The following SERPINB10 variants were observed in gnomAD, a reference collection of about 807,000 sequenced individuals.
SERPINB10 encodes the protein serpin family B member 10.
Under a neutral mutation model 39.1 loss-of-function variants are expected in SERPINB10, and 35 were observed. That is an observed-to-expected ratio of 0.90 (90% confidence interval 0.68 to 1.19). SERPINB10 has a LOEUF of 1.19. Among genes scored for constraint, SERPINB10 ranks in the 50% most tolerant of loss-of-function variants. SERPINB10 has a pLI of 0.00. For synonymous variants in SERPINB10, 190 were observed against 158.1 expected, an observed-to-expected ratio of 1.20 and a Z score of -1.52; for missense variants, 546 against 460.5, an observed-to-expected ratio of 1.19 and a Z score of -1.70.
Position 63,930,963 on chromosome 18 carries a change from T to C in SERPINB10, c.633+776T>C, listed in dbSNP as rs563241299. Among the ~76,000 whole-genome samples the C allele has an allele frequency of 1.1e-4, 17 of 152,290 alleles. 1 individual carries two copies. Among genetic ancestry groups the C allele is most frequent in the African/African-American group, 3.8e-4 (16 of 41,562 alleles). ...GCTGTGGAACTATGGCTGTAATGAA[T>C]GTGTGCAATAGGTATTTCTCAATCA... is the stretch of plus-strand genomic sequence containing the variant. On this transcript the variant is annotated intron_variant, in intron 6 of 7. Transcript: ENST00000238508.
chr18:63,912,546 TG>T (rs1404291409), intron 1 of SERPINB10, among the ~76,000 whole-genome samples: 1 of 152,052 alleles, frequency 6.6e-6, no homozygotes, highest in Non-Finnish European at 1.5e-5. Flanking sequence ...GATGATCAGA[TG>T]TTTTTTGTTT....
intron 1 of SERPINB10, among the ~76,000 whole-genome samples, chr18:63,914,893 C>T (rs1054802614): frequency 6.6e-6 from 1 of 152,000 alleles, no homozygotes; most frequent in Admixed American, 6.6e-5. Context: ...TTCCAGAAGA[C>T]TAGTTTCAGA....
intron 1 of SERPINB10, among the ~76,000 whole-genome samples, chr18:63,911,403 A>G (rs1258568357): frequency 6.6e-6 from 1 of 151,072 alleles, no homozygotes; most frequent in East Asian, 1.9e-4. Flanking sequence ...TAGGATTCTG[A>G]TAGTCTGAGA....
At chr18:63,917,601 C>A in intron 3 of SERPINB10, 80 bp downstream of exon 3, 2 of 755,664 alleles carry the variant, frequency 2.6e-6, no homozygotes, top group Non-Finnish European at 4.1e-6. Context: ...ATAACTGAAG[C>A]AACTTTTAGC....
rs1291761430 is a variant in SERPINB10, at chr18:63,919,895, A to G, written c.480A>G (p.Arg160=). ...IRKDINSWVE[R]QTEGKIQNLL... ...AGGACATCAACTCTTGGGTTGAAAG[A>G]CAGACCGAGGGTAAGCTTTCACCAA... Residue 160 remains arginine (R), a synonymous_variant, in exon 5 of 8, where the codon AGA becomes AGG. Transcript: ENST00000238508. 1 of 1,603,546 alleles carries G rather than the reference A, an allele frequency of 6.2e-7. No homozygotes were observed. The highest frequency in any genetic ancestry group is 1.7e-5 in the Admixed American group (1 of 58,992).
chr18:63,927,009 T>G (rs1291540444), intron 5 of SERPINB10, among the ~76,000 whole-genome samples: 3 of 151,990 alleles, frequency 2.0e-5, no homozygotes, highest in Non-Finnish European at 2.9e-5. Flanking sequence ...TCTTATTAGT[T>G]TTCATTGTTT....
In SERPINB10 at chr18:63,921,232, T is replaced by A. The variant is rs545024577; in HGVS notation, c.490+1327T>A. Among the ~76,000 whole-genome samples, 7 of 152,094 alleles carry A rather than the reference T, an allele frequency of 4.6e-5. No homozygotes were observed. In the South Asian group the frequency reaches 1.4e-3, roughly 32 times the overall value. ...TTAATGATGATGCCTTTGCTTTGTG[T>A]CTAAGCACATGGAATGTTTTGCTGT... is the stretch of plus-strand genomic sequence containing the variant. On this transcript the variant is annotated intron_variant, in intron 5 of 7. Coordinates refer to ENST00000238508, the MANE Select transcript of SERPINB10 (RefSeq NM_005024.3).
chr18:63,928,039 C>G (rs1168832510), intron 5 of SERPINB10, among the ~76,000 whole-genome samples: 3 of 151,906 alleles, frequency 2.0e-5, no homozygotes, highest in Non-Finnish European at 4.4e-5. Context: ...GAGGTAATCA[C>G]TTGAGAGTTG....
intron 6 of SERPINB10, among the ~76,000 whole-genome samples, 187 bp downstream of exon 6, chr18:63,930,374 C>A (rs1464360741): frequency 6.6e-6 from 1 of 152,056 alleles, no homozygotes; most frequent in Non-Finnish European, 1.5e-5. Flanking sequence ...CCTTGTTTTT[C>A]TCTGAATATA....
At chr18:63,917,823 A>G in intron 3 of SERPINB10, 142 bp from the exon 4 acceptor site, 1 of 740,434 alleles carries the variant, frequency 1.4e-6, no homozygotes, top group Non-Finnish European at 2.2e-6. Context: ...CACTAACACT[A>G]AAGAAAACAT....
intron 3 of SERPINB10, among the ~76,000 whole-genome samples, 158 bp from the exon 4 acceptor site, chr18:63,917,807 C>T (rs147206786): frequency 2.5e-3 from 380 of 152,098 alleles, no homozygotes; most frequent in African/African-American, 8.8e-3. Flanking sequence ...ACATTTCATT[C>T]TTTTGCACTA....
Position 63,918,043 on chromosome 18 carries a change from G to A in SERPINB10, c.313G>A (p.Asp105Asn). 6.2e-7 allele frequency: 1 copy of A among 1,612,388 alleles called. No individual in the cohort carries two copies. Among genetic ancestry groups the A allele is most frequent in the Non-Finnish European group, 8.5e-7 (1 of 1,179,024 alleles). The change falls in exon 4 of 8, where the codon GAC (aspartate) becomes AAC (asparagine). Residue 105 changes from aspartate (D) to asparagine (N), a missense_variant. By Grantham distance (23) the Asp-to-Asn change is conservative. Coordinates refer to ENST00000238508, the MANE Select transcript of SERPINB10 (RefSeq NM_005024.3). ...CTCAGAAATCCTCAAGCCCAACGATGACTACTTACTTAAAACAGCCAATGC... is the reference window on the plus strand; with the variant it reads ...CTCAGAAATCCTCAAGCCCAACGATAACTACTTACTTAAAACAGCCAATGC... ...LISEILKPND[D>N]YLLKTANAIY...
chr18:63,930,610 C>T (rs192453517), intron 6 of SERPINB10, among the ~76,000 whole-genome samples: 44 of 152,212 alleles, frequency 2.9e-4, no homozygotes, highest in Non-Finnish European at 6.0e-4. Flanking sequence ...GCAATAAAAA[C>T]GGAGACTAAA....
Position 63,919,888 on chromosome 18 carries a change from T to C in SERPINB10, c.473T>C (p.Val158Ala), listed in dbSNP as rs374892728. ...ATCAGAAAGGACATCAACTCTTGGG[T>C]TGAAAGACAGACCGAGGGTAAGCTT... ...DQIRKDINSW[V>A]ERQTEGKIQN... Residue 158 changes from valine (V) to alanine (A), a missense_variant, in exon 5 of 8, where the codon GTT becomes GCT. Coordinates refer to ENST00000238508, the MANE Select transcript of SERPINB10 (RefSeq NM_005024.3). 1.2e-5 allele frequency: 20 copies of C among 1,608,132 alleles called. No homozygotes were observed. The highest frequency in any genetic ancestry group is 1.6e-5 in the Non-Finnish European group (19 of 1,176,854).
intron 5 of SERPINB10, among the ~76,000 whole-genome samples, chr18:63,921,242 T>C (rs1190840873): frequency 6.6e-6 from 1 of 151,976 alleles, no homozygotes; most frequent in African/African-American, 2.4e-5. Context: ...TCTAAGCACA[T>C]GGAATGTTTT....
chr18:63,914,120 C>T (rs74897125), intron 1 of SERPINB10, among the ~76,000 whole-genome samples: 39,541 of 151,926 alleles, frequency 0.26, 5,797 homozygotes, highest in African/African-American at 0.39. Flanking sequence ...TGTGTGATAG[C>T]CCTTCCTCCA....
chr18:63,922,798 T>G (rs949138073), intron 5 of SERPINB10, among the ~76,000 whole-genome samples: 58 of 151,968 alleles, frequency 3.8e-4, no homozygotes, highest in African/African-American at 1.4e-3. Flanking sequence ...GTGGAGTAGC[T>G]TCTATTCCCA....
chr18:63,934,580 C>A (rs1009277136), intron 7 of SERPINB10, among the ~76,000 whole-genome samples: 1 of 152,132 alleles, frequency 6.6e-6, no homozygotes, highest in African/African-American at 2.4e-5. Context: ...TGATGTCTTG[C>A]ATACTATAGC....
In SERPINB10 at chr18:63,908,596, T is replaced by G. The variant is rs909009650; in HGVS notation, c.-10+556T>G. 1.1e-4 allele frequency among the ~76,000 whole-genome samples: 16 copies of G among 152,006 alleles called. 1 individual carries two copies. Among genetic ancestry groups the G allele is most frequent in the Non-Finnish European group, 2.2e-4 (15 of 67,966 alleles). ...TTCATGGGCCATTAGCTTTCTTCTC[T>G]TCTGTGGAATAATAAATGTTCCTAA... On this transcript the variant is annotated intron_variant, in intron 1 of 7. Coordinates refer to ENST00000238508, the MANE Select transcript of SERPINB10 (RefSeq NM_005024.3).
Sources: gnomAD v4.1 joint callset for allele counts (sites outside exome capture counted in the v4.1 genomes callset) on GRCh38, gnomAD v4.1.1 for gene constraint, MANE v1.5 for transcripts, NCBI Gene and HGNC (gene_info 2026-07-23, HGNC 2026-07-21) for gene names.